Variants in UBE3C observed in about 807,000 individuals in gnomAD.
UBE3C encodes the protein ubiquitin protein ligase E3C.
UBE3C carries 42 observed loss-of-function variants against 129.4 expected under a neutral mutation model. The observed-to-expected ratio is 0.32, with a 90% CI of 0.25 to 0.42. UBE3C has a LOEUF of 0.42. UBE3C is among the 10% of genes least tolerant of loss of function. The probability of loss-of-function intolerance (pLI) is 1.00; values close to 1 mark genes in which losing one functional copy is unlikely to be tolerated. For synonymous variants in UBE3C, 510 were observed against 492.4 expected, an observed-to-expected ratio of 1.04 and a Z score of -0.47; for missense variants, 1,049 against 1,319.1, an observed-to-expected ratio of 0.80 and a Z score of 3.17.
At chr7:157,259,293 G>A (rs1274611306) in intron 22 of UBE3C, among the ~76,000 whole-genome samples, 1 of 152,212 alleles carries the variant, frequency 6.6e-6, no homozygotes, top group South Asian at 2.1e-4. Context: ...AGGACCACAC[G>A]TTGCATTTAA....
At position 157,233,258 on chromosome 7, in the gene UBE3C, C is replaced by A. The variant is rs1320421594; in HGVS notation, c.2481+1931C>A. 4.6e-5 allele frequency among the ~76,000 whole-genome samples: 7 copies of A among 152,260 alleles called. No homozygotes were observed. The East Asian group carries it at 1.2e-3, about 25-fold the overall frequency. ...GCTTCACTCATTTGAAGGGCCAAATCTTATTTCATTGTATGGATATACCAC... is the reference window on the plus strand; with the variant it reads ...GCTTCACTCATTTGAAGGGCCAAATATTATTTCATTGTATGGATATACCAC... On this transcript the variant is annotated intron_variant, in intron 18 of 22. Transcript: ENST00000348165.
At chr7:157,172,769 C>T (rs760935731) in intron 4 of UBE3C, among the ~76,000 whole-genome samples, 14 of 152,186 alleles carry the variant, frequency 9.2e-5, no homozygotes, top group Non-Finnish European at 1.8e-4. Context: ...AACAGGATGT[C>T]CTGGCCTCAC....
At chr7:157,216,423 G>A (rs956975554) in intron 13 of UBE3C, among the ~76,000 whole-genome samples, 3 of 151,280 alleles carry the variant, frequency 2.0e-5, no homozygotes, top group South Asian at 4.2e-4. Flanking sequence ...ACATGTCATC[G>A]GAGTTTGTTG....
In UBE3C at chr7:157,268,620, C is replaced by T. The variant is rs967824069; in HGVS notation, c.*865C>T. On this transcript the variant is annotated 3_prime_UTR_variant, in exon 23 of 23. Coordinates refer to ENST00000348165, the MANE Select transcript of UBE3C (RefSeq NM_014671.3). ...ATCTTTGTCCCGATGCTAGCCGTGC[C>T]GGTCTCCCATCATCCGCTCGCCCTC... 4 of 152,670 alleles carry T rather than the reference C, an allele frequency of 2.6e-5. No individual in the cohort carries two copies. The highest frequency in any genetic ancestry group is 6.5e-5 in the Admixed American group (1 of 15,280). 9.5% of individuals were successfully genotyped at this position (152,670 alleles called of 1,614,324 possible).
Position 157,250,708 on chromosome 7 carries a change from A to G in UBE3C, c.2694+2128A>G, listed in dbSNP as rs571933933. On this transcript the variant is annotated intron_variant, in intron 19 of 22. Transcript: ENST00000348165. The stretch of plus-strand genomic sequence containing the variant: ...ATACCATAGAGCTGAATTTTCACCA[A>G]TGCAAAATTTAGATAATTTGGCGGG... Among the ~76,000 whole-genome samples, 453 of 152,266 alleles carry G rather than the reference A, an allele frequency of 3.0e-3. 2 individuals are homozygous for G. The highest frequency in any genetic ancestry group is 5.6e-3 in the Non-Finnish European group (382 of 68,026).
At chr7:157,151,596 T>C (rs1053174356) in intron 1 of UBE3C, among the ~76,000 whole-genome samples, 1 of 152,170 alleles carries the variant, frequency 6.6e-6, no homozygotes, top group Admixed American at 6.5e-5. Flanking sequence ...TCCTGCATTA[T>C]CCTGCCGGAA....
At chr7:157,256,002 G>T (rs1336922377) in intron 21 of UBE3C, among the ~76,000 whole-genome samples, 1 of 152,166 alleles carries the variant, frequency 6.6e-6, no homozygotes, top group Non-Finnish European at 1.5e-5. Context: ...GTGGCCACGT[G>T]CAAGCCCCTT....
chr7:157,181,446 T>G, intron 6 of UBE3C, 72 bp from the exon 7 acceptor site: 1 of 1,404,864 alleles, frequency 7.1e-7, no homozygotes, highest in South Asian at 1.4e-5. Flanking sequence ...TAAAAGCATT[T>G]AAAAATTGGC....
At chr7:157,264,059 A>G (rs1040745974) in intron 22 of UBE3C, among the ~76,000 whole-genome samples, 10 of 152,054 alleles carry the variant, frequency 6.6e-5, no homozygotes, top group Non-Finnish European at 4.4e-5. Flanking sequence ...GTGTGAGCCA[A>G]CATGCTCGGC....
chr7:157,234,328 C>A (rs572949778), intron 18 of UBE3C, among the ~76,000 whole-genome samples: 1 of 152,210 alleles, frequency 6.6e-6, no homozygotes, highest in Admixed American at 6.5e-5. Flanking sequence ...GGTCTTTGAT[C>A]CTTTTTGAGT....
intron 17 of UBE3C, among the ~76,000 whole-genome samples, chr7:157,229,067 A>G (rs368048935): frequency 6.6e-6 from 1 of 152,326 alleles, no homozygotes; most frequent in East Asian, 1.9e-4. Context: ...GCAGCAGCGC[A>G]TGGGGCCTGT....
intron 3 of UBE3C, among the ~76,000 whole-genome samples, chr7:157,169,860 T>C (rs766011705): frequency 1.3e-5 from 2 of 152,124 alleles, no homozygotes; most frequent in Admixed American, 6.5e-5. Context: ...GTTTTTGTAT[T>C]TTTAGTAGAG....
intron 10 of UBE3C, among the ~76,000 whole-genome samples, chr7:157,191,587 T>C (rs4716461): frequency 0.17 from 26,069 of 152,236 alleles, 2,482 homozygotes; most frequent in East Asian, 0.36. Flanking sequence ...TGCAAGTCAC[T>C]GCGCCCAGCC....
intron 10 of UBE3C, chr7:157,197,513 T>TG: frequency 2.3e-6 from 2 of 865,908 alleles, no homozygotes; most frequent in Non-Finnish European, 3.3e-6. Flanking sequence ...TAATTTGTTT[T>TG]TTTTTTTTTT....
intron 17 of UBE3C, among the ~76,000 whole-genome samples, chr7:157,226,356 A>G (rs1795878706): frequency 6.6e-6 from 1 of 151,976 alleles, no homozygotes; most frequent in Non-Finnish European, 1.5e-5. Context: ...CATATTTGAT[A>G]CTCAGTCTTG....
chr7:157,262,409 C>CTTTTT (rs371300314), intron 22 of UBE3C, among the ~76,000 whole-genome samples: 4,399 of 54,040 alleles, frequency 0.081, 1,774 homozygotes, highest in South Asian at 0.13. Flanking sequence ...TCTTCATAGG[C>CTTTTT]TTTTTTTTTT....
Position 157,267,714 on chromosome 7 carries a change from C to T in UBE3C, c.3211C>T (p.Leu1071Phe), listed in dbSNP as rs770150348. 1 of 1,613,030 alleles carries T rather than the reference C, an allele frequency of 6.2e-7. No homozygotes were observed. Among genetic ancestry groups the T allele is most frequent in the South Asian group, 1.1e-5 (1 of 90,866 alleles). ...CGAGACACTTTTGCGAAGTAAACTT[C>T]TCTATGCGATTGAATGTGCCGCTGG... ...YDETLLRSKL[L>F]YAIECAAGFE... Residue 1071 changes from leucine to phenylalanine, a missense_variant, in exon 23 of 23, where the codon CTC becomes TTC. Transcript: ENST00000348165.
chr7:157,153,155 A>G (rs980425526), intron 1 of UBE3C, among the ~76,000 whole-genome samples: 6 of 152,158 alleles, frequency 3.9e-5, no homozygotes, highest in Non-Finnish European at 8.8e-5. Context: ...CAGAGATCGC[A>G]CCACTTCACT....
intron 4 of UBE3C, among the ~76,000 whole-genome samples, chr7:157,174,608 A>G (rs1293720890): frequency 6.6e-6 from 1 of 152,010 alleles, no homozygotes; most frequent in Non-Finnish European, 1.5e-5. Context: ...GTGTGCCACC[A>G]CGCTCGGCTA....
Sources: gnomAD v4.1 joint callset for allele counts (sites outside exome capture counted in the v4.1 genomes callset) on GRCh38, gnomAD v4.1.1 for gene constraint, MANE v1.5 for transcripts, NCBI Gene and HGNC (gene_info 2026-07-23, HGNC 2026-07-21) for gene names.